PLEKHA7: variants seen among roughly 807,000 people sequenced by gnomAD.
PLEKHA7 encodes the protein pleckstrin homology domain-containing family A member 7.
Under a neutral mutation model 170.0 loss-of-function variants are expected in PLEKHA7, and 104 were observed. That is an observed-to-expected ratio of 0.61 (90% CI 0.52 to 0.72). PLEKHA7 has a LOEUF of 0.72. Among genes scored for constraint, PLEKHA7 ranks in the 30% least tolerant of loss-of-function variants. The pLI is 0.00. For missense variants in PLEKHA7, 1,615 were observed against 1,671.7 expected (o/e 0.97, Z 0.59); for synonymous variants, 648 against 660.8 (o/e 0.98, Z 0.30).
chr11:16,824,126 G>T (rs532582679), intron 10 of PLEKHA7, among the ~76,000 whole-genome samples: 13 of 152,278 alleles, frequency 8.5e-5, no homozygotes, highest in African/African-American at 3.1e-4. Context: ...TGGGCAGGGG[G>T]GAGTAGGGAT....
chr11:16,983,215 C>T (rs1863542922), intron 3 of PLEKHA7, among the ~76,000 whole-genome samples: 1 of 152,178 alleles, frequency 6.6e-6, no homozygotes, highest in Non-Finnish European at 1.5e-5. Flanking sequence ...TTCAGCTCAA[C>T]CTGAAATGGA....
intron 3 of PLEKHA7, among the ~76,000 whole-genome samples, chr11:16,955,951 C>T (rs1408030500): frequency 6.6e-6 from 1 of 152,102 alleles, no homozygotes; most frequent in Non-Finnish European, 1.5e-5. Context: ...AGGATCGCTT[C>T]AGCCCAGGAG....
At chr11:16,936,327 G>A (rs773907344) in intron 3 of PLEKHA7, among the ~76,000 whole-genome samples, 29 of 150,128 alleles carry the variant, frequency 1.9e-4, no homozygotes, top group Non-Finnish European at 3.8e-4. Flanking sequence ...GCTTGAACCC[G>A]GGAGGCGGAG....
intron 9 of PLEKHA7, among the ~76,000 whole-genome samples, chr11:16,837,426 T>C (rs1851604798): frequency 6.6e-6 from 1 of 152,160 alleles, no homozygotes; most frequent in African/African-American, 2.4e-5. Flanking sequence ...TCTAGCATCC[T>C]AGTCAGCCAC....
intron 3 of PLEKHA7, among the ~76,000 whole-genome samples, chr11:16,938,812 C>A (rs760568675): frequency 6.6e-6 from 1 of 152,138 alleles, no homozygotes; most frequent in Non-Finnish European, 1.5e-5. Flanking sequence ...AAAACAACAA[C>A]AACAATGTTC....
At chr11:16,888,128 A>G (rs188648253) in intron 3 of PLEKHA7, among the ~76,000 whole-genome samples, 2,355 of 138,216 alleles carry the variant, frequency 0.017, 59 homozygotes, top group African/African-American at 0.063. Context: ...CAGCCGCCCC[A>G]TCTGAGAAGT....
chr11:16,971,576 T>C (rs1862714316), intron 3 of PLEKHA7, among the ~76,000 whole-genome samples: 1 of 152,242 alleles, frequency 6.6e-6, no homozygotes, highest in Non-Finnish European at 1.5e-5. Flanking sequence ...CTATTACTAT[T>C]ACCACACAGG....
intron 3 of PLEKHA7, among the ~76,000 whole-genome samples, chr11:16,943,258 CT>C (rs367651146): frequency 0.019 from 2,869 of 147,908 alleles, 98 homozygotes; most frequent in African/African-American, 0.067. Flanking sequence ...CAATACTTTA[CT>C]TTTTTTTTTT....
At chr11:17,010,019 T>C (rs1407717618) in intron 3 of PLEKHA7, among the ~76,000 whole-genome samples, 3 of 152,218 alleles carry the variant, frequency 2.0e-5, no homozygotes, top group Admixed American at 6.5e-5. Context: ...CCCTCATTAA[T>C]GCAAAATTGA....
intron 3 of PLEKHA7, among the ~76,000 whole-genome samples, chr11:16,916,127 T>A (rs1565111931): frequency 6.6e-6 from 1 of 152,210 alleles, no homozygotes; most frequent in East Asian, 1.9e-4. Context: ...TGGTGAGCAT[T>A]GTTTCATGTG....
intron 3 of PLEKHA7, among the ~76,000 whole-genome samples, chr11:17,004,607 TG>T (rs1864875225): frequency 6.6e-6 from 1 of 151,934 alleles, no homozygotes; most frequent in Non-Finnish European, 1.5e-5. Flanking sequence ...TGGCCAAGCT[TG>T]TCTTAAACTT....
At chr11:16,940,061 T>C (rs1023425186) in intron 3 of PLEKHA7, among the ~76,000 whole-genome samples, 9 of 152,160 alleles carry the variant, frequency 5.9e-5, no homozygotes, top group African/African-American at 2.2e-4. Flanking sequence ...AAGGGTTAGC[T>C]GTGTGGATCT....
intron 3 of PLEKHA7, among the ~76,000 whole-genome samples, chr11:16,897,088 A>C (rs1857040472): frequency 6.6e-6 from 1 of 152,202 alleles, no homozygotes; most frequent in South Asian, 2.1e-4. Context: ...GACAGTTGCC[A>C]AAGTCTCATG....
intron 21 of PLEKHA7, 130 bp downstream of exon 21, chr11:16,790,668 A>C (rs1431926399): frequency 6.8e-6 from 6 of 885,270 alleles, no homozygotes; most frequent in Non-Finnish European, 8.6e-6. Flanking sequence ...TTGGCATCCC[A>C]GACCCCCCTG....
At chr11:16,816,155 CTA>C (rs1564950255) in intron 12 of PLEKHA7, 21 bp downstream of exon 12, 4 of 1,579,070 alleles carry the variant, frequency 2.5e-6, no homozygotes, top group Non-Finnish European at 3.5e-6. Flanking sequence ...GCTTTGCAGG[CTA>C]TGTCTTGTCA....
intron 3 of PLEKHA7, among the ~76,000 whole-genome samples, chr11:16,952,634 T>C (rs12418493): frequency 0.053 from 8,126 of 152,264 alleles, 301 homozygotes; most frequent in African/African-American, 0.11. Flanking sequence ...TTACCTGAAA[T>C]GCTTGGAACC....
At chr11:16,858,656 C>A (rs1275256489) in intron 4 of PLEKHA7, among the ~76,000 whole-genome samples, 4 of 152,064 alleles carry the variant, frequency 2.6e-5, no homozygotes, top group Non-Finnish European at 4.4e-5. Flanking sequence ...CCACACCTGG[C>A]TAATTTTGTA....
chr11:16,794,913 G>T lies in PLEKHA7; in HGVS notation c.2515C>A (p.Pro839Thr), dbSNP rs756437497. Reference sequence around the variant, plus strand: ...TCCAGGAAGATGAACATCTCACCCGGATTTTTTACTGACTCCACTAGAATT... The same window carrying T: ...TCCAGGAAGATGAACATCTCACCCGTATTTTTTACTGACTCCACTAGAATT... ...FRILVESVKN[P>T]ERKTVPLFPH... Residue 839 changes from proline (P) to threonine (T), a missense_variant, in exon 18 of 27, where the codon CCG (proline) becomes ACG (threonine). Transcript: ENST00000531066. 6.8e-6 allele frequency: 11 copies of T among 1,609,346 alleles called. No individual in the cohort carries two copies. The Admixed American group carries it at 8.3e-5, about 12-fold the overall frequency.
At chr11:16,897,923 T>C (rs1215377340) in intron 3 of PLEKHA7, among the ~76,000 whole-genome samples, 3 of 152,176 alleles carry the variant, frequency 2.0e-5, no homozygotes, top group Non-Finnish European at 2.9e-5. Context: ...TGGCAATCAC[T>C]ACCCACTTCC....
Sources: allele counts gnomAD v4.1 joint callset (sites outside exome capture counted in the v4.1 genomes callset), GRCh38; gene constraint gnomAD v4.1.1; transcripts MANE v1.5; gene names NCBI Gene and HGNC (gene_info 2026-07-23, HGNC 2026-07-21).